The following SEPTIN11 variants were observed in gnomAD, a reference collection of about 807,000 sequenced individuals.
SEPTIN11 encodes the protein septin 11, also known as septin-11.
SEPTIN11 carries 25 observed loss-of-function variants against 51.4 expected under a neutral mutation model. That is an observed-to-expected ratio of 0.49 (90% CI 0.35 to 0.68). The LOEUF (loss-of-function observed/expected upper bound fraction) is 0.68. SEPTIN11 is among the 30% of genes least tolerant of loss of function. SEPTIN11 has a pLI of 0.00. For missense variants in SEPTIN11, 381 were observed against 520.8 expected, an observed-to-expected ratio of 0.73 and a Z score of 2.61; for synonymous variants, 174 against 184.1, an observed-to-expected ratio of 0.95 and a Z score of 0.44.
In SEPTIN11 at chr4:77,020,865, C is replaced by T. The variant is rs1157956927; in HGVS notation, c.953+195C>T. 7.1e-6 allele frequency: 4 copies of T among 560,970 alleles called. No individual in the cohort carries two copies. In the East Asian group the frequency reaches 1.2e-4, roughly 17 times the overall value. 34.7% of individuals were successfully genotyped at this position (560,970 alleles called of 1,614,324 possible). On this transcript the variant is annotated intron_variant, in intron 7 of 9. Transcript: ENST00000264893. ...CTCAACTAACTTACCTAGTTGATGTCATTATTATCCACATTTTACAGATGA... is the reference window on the plus strand; with the variant it reads ...CTCAACTAACTTACCTAGTTGATGTTATTATTATCCACATTTTACAGATGA...
rs1201262981 is a variant in SEPTIN11 at position 77,024,993 on chromosome 4, G to A, written c.954-3636G>A. 1.3e-5 allele frequency among the ~76,000 whole-genome samples: 2 copies of A among 152,182 alleles called. No individual in the cohort carries two copies. Among genetic ancestry groups the A allele is most frequent in the East Asian group, 3.9e-4 (2 of 5,188 alleles). On this transcript the variant is annotated intron_variant, in intron 7 of 9. Transcript: ENST00000264893. This position sits in a 1 kb window ranked among gnomAD's most constrained non-coding sequence, Gnocchi z 4.2. ...CTAGATGCTTTTAGATAAGAACAGA[G>A]AGAGAATCGTGCTGTGTGAATCACC...
In SEPTIN11 at chr4:77,019,156, G is replaced by T. The variant is rs768705881; in HGVS notation, c.688-9G>T. Reference sequence around the variant, plus strand: ...GAAAGTAACTATTCTCTGTCCTTTTGCTTGGCAGGTCCATCTCCCATTTGC... The same window carrying T: ...GAAAGTAACTATTCTCTGTCCTTTTTCTTGGCAGGTCCATCTCCCATTTGC... On this transcript the variant is annotated splice_polypyrimidine_tract_variant and intron_variant, in intron 5 of 9. Transcript: ENST00000264893. 8.7e-6 allele frequency: 14 copies of T among 1,611,130 alleles called. No homozygotes were observed. In the South Asian group the frequency reaches 1.6e-4, roughly 18 times the overall value.
intron 2 of SEPTIN11, among the ~76,000 whole-genome samples, chr4:76,999,921 T>C (rs1194761406): frequency 6.6e-6 from 1 of 152,206 alleles, no homozygotes; most frequent in Non-Finnish European, 1.5e-5. Context: ...AATAAAGCCT[T>C]TCATATTTTA....
chr4:76,953,128 G>A (rs1721414070), intron 1 of SEPTIN11, among the ~76,000 whole-genome samples: 1 of 152,196 alleles, frequency 6.6e-6, no homozygotes, highest in African/African-American at 2.4e-5. Flanking sequence ...TTCAAGAAAT[G>A]CACTTAATTG....
chr4:77,032,404 A>G (rs1342369846), intron 9 of SEPTIN11, among the ~76,000 whole-genome samples: 1 of 152,232 alleles, frequency 6.6e-6, no homozygotes, highest in Non-Finnish European at 1.5e-5. Context: ...AACCCTTTGT[A>G]GCTATGCATG....
intron 9 of SEPTIN11, 57 bp from the exon 10 acceptor site, chr4:77,034,440 C>A: frequency 7.1e-7 from 1 of 1,408,694 alleles, no homozygotes; most frequent in South Asian, 1.5e-5. Flanking sequence ...CCTAATTTTC[C>A]TTTCTTTTTA....
chr4:77,012,026 T>A, intron 4 of SEPTIN11, 105 bp downstream of exon 4: 3 of 960,080 alleles, frequency 3.1e-6, no homozygotes, highest in Non-Finnish European at 4.7e-6. Context: ...TTTTCCTGGA[T>A]TACAGGAACA....
chr4:77,031,822 C>A (rs1309730053), intron 9 of SEPTIN11: 1 of 152,158 alleles, frequency 6.6e-6, no homozygotes, highest in Non-Finnish European at 1.5e-5. Context: ...GCAGATGCCA[C>A]CCTCCTTTGT....
chr4:76,950,496 A>G (rs1313895037), intron 1 of SEPTIN11, among the ~76,000 whole-genome samples: 2 of 152,254 alleles, frequency 1.3e-5, no homozygotes, highest in Non-Finnish European at 2.9e-5. Flanking sequence ...AAAGCCCCAG[A>G]TAACACACAC....
At position 76,973,763 on chromosome 4, in the gene SEPTIN11, C is replaced by T. The variant is rs1006304339; in HGVS notation, c.28-22662C>T. Among the ~76,000 whole-genome samples, 3 of 152,180 alleles carry T rather than the reference C, an allele frequency of 2.0e-5. No individual in the cohort carries two copies. In the South Asian group the frequency reaches 6.2e-4, roughly 31 times the overall value. ...AACTTGGGCGAATTTCTTTGTGTCT[C>T]TGTGACTTTGTTTCCACATCTGCGA... On this transcript the variant is annotated intron_variant, in intron 1 of 9. Coordinates refer to ENST00000264893, the MANE Select transcript of SEPTIN11 (RefSeq NM_018243.4).
At position 76,961,507 on chromosome 4, in the gene SEPTIN11, A is replaced by G. The variant is rs145036849; in HGVS notation, c.27+11577A>G. Among the ~76,000 whole-genome samples the G allele has an allele frequency of 5.8e-3, 888 of 152,314 alleles. 7 individuals carry two copies. Among genetic ancestry groups the G allele is most frequent in the African/African-American group, 0.021 (856 of 41,566 alleles). The stretch of plus-strand genomic sequence containing the variant: ...AGTGGGGTTATGTCCTGATAACCAC[A>G]TTATATTGAAAATATCTAAGTTTAA... On this transcript the variant is annotated intron_variant, in intron 1 of 9. Coordinates refer to ENST00000264893, the MANE Select transcript of SEPTIN11 (RefSeq NM_018243.4).
intron 3 of SEPTIN11, among the ~76,000 whole-genome samples, chr4:77,006,758 G>GTC: frequency 6.6e-6 from 1 of 152,098 alleles, no homozygotes; most frequent in South Asian, 2.1e-4. Context: ...CCTCAAAACT[G>GTC]TATATTATAC....
rs1560739153 is a variant in SEPTIN11 at position 77,019,158 on chromosome 4, T to A, written c.688-7T>A. On this transcript the variant is annotated splice_region_variant and splice_polypyrimidine_tract_variant and intron_variant, in intron 5 of 9. Coordinates refer to ENST00000264893, the MANE Select transcript of SEPTIN11 (RefSeq NM_018243.4). ...AAGTAACTATTCTCTGTCCTTTTGCTTGGCAGGTCCATCTCCCATTTGCAG... is the reference window on the plus strand; with the variant it reads ...AAGTAACTATTCTCTGTCCTTTTGCATGGCAGGTCCATCTCCCATTTGCAG... 6.2e-7 allele frequency: 1 copy of A among 1,611,552 alleles called. No individual in the cohort carries two copies. Among genetic ancestry groups the A allele is most frequent in the Admixed American group, 1.7e-5 (1 of 59,730 alleles).
Position 76,976,058 on chromosome 4 carries a change from T to C in SEPTIN11, c.28-20367T>C, listed in dbSNP as rs187422613. Among the ~76,000 whole-genome samples the C allele has an allele frequency of 1.6e-4, 24 of 152,322 alleles. 1 individual carries two copies. The East Asian group carries it at 3.5e-3, about 22-fold the overall frequency. On this transcript the variant is annotated intron_variant, in intron 1 of 9. Coordinates refer to ENST00000264893, the MANE Select transcript of SEPTIN11 (RefSeq NM_018243.4). Reference sequence around the variant, plus strand: ...AAAGCTTTTGTTAATGTGTTGTTTTTTGGGCTGGGTGTTGGGTATGTGAGT... The same window carrying C: ...AAAGCTTTTGTTAATGTGTTGTTTTCTGGGCTGGGTGTTGGGTATGTGAGT...
At chr4:77,008,275 C>T (rs759649799) in intron 3 of SEPTIN11, among the ~76,000 whole-genome samples, 9 of 152,182 alleles carry the variant, frequency 5.9e-5, no homozygotes, top group Non-Finnish European at 1.2e-4. Context: ...TTGCCCCACA[C>T]TGGGGAGATG....
At chr4:76,971,836 C>G (rs112537872) in intron 1 of SEPTIN11, among the ~76,000 whole-genome samples, 1 of 152,158 alleles carries the variant, frequency 6.6e-6, no homozygotes, top group Non-Finnish European at 1.5e-5. Flanking sequence ...CTTTAAAGAA[C>G]GTGGTGAAGG....
At chr4:76,987,985 G>C in intron 1 of SEPTIN11, 1 of 205,678 alleles carries the variant, frequency 4.9e-6, no homozygotes, top group Non-Finnish European at 8.6e-6. Flanking sequence ...TTTCATCTCA[G>C]CTCTCTTTAA....
At chr4:76,956,413 G>T (rs1721560057) in intron 1 of SEPTIN11, among the ~76,000 whole-genome samples, 1 of 152,188 alleles carries the variant, frequency 6.6e-6, no homozygotes, top group East Asian at 1.9e-4. Flanking sequence ...CATGCATACA[G>T]ACCTCCCATC....
chr4:76,970,639 T>A (rs1722201044), intron 1 of SEPTIN11, among the ~76,000 whole-genome samples: 1 of 152,246 alleles, frequency 6.6e-6, no homozygotes, highest in Non-Finnish European at 1.5e-5. Context: ...ACCTGTTTTC[T>A]AGTCTCAGTC....
Sources: gnomAD v4.1 joint callset for allele counts (sites outside exome capture counted in the v4.1 genomes callset) on GRCh38, gnomAD v4.1.1 for gene constraint, Gnocchi (gnomAD v3.1) non-coding constraint, MANE v1.5 for transcripts, NCBI Gene and HGNC (gene_info 2026-07-23, HGNC 2026-07-21) for gene names.